The following SLC5A1 variants were observed in gnomAD, a reference collection of about 807,000 sequenced individuals.
SLC5A1 encodes the protein solute carrier family 5 member 1.
SLC5A1 carries 42 observed loss-of-function variants against 73.5 expected under a neutral mutation model. The observed-to-expected ratio is 0.57, with a 90% CI of 0.45 to 0.74. The LOEUF (loss-of-function observed/expected upper bound fraction) is 0.74. SLC5A1 is among the 30% of genes least tolerant of loss of function. The probability of loss-of-function intolerance (pLI) is 0.00; values close to 1 mark genes in which losing one functional copy is unlikely to be tolerated. For missense variants in SLC5A1, 634 were observed against 855.4 expected (o/e 0.74, Z 3.23); for synonymous variants, 300 against 317.4 (o/e 0.95, Z 0.58).
rs2093933080 is a variant in SLC5A1 at position 32,043,523 on chromosome 22, G to A, written c.135+107G>A. ...TAGGCTTAAGTGTCGGTGGAGGGGAGAGGAAATGACTTGGAAGCACTTTAG... is the reference window on the plus strand; with the variant it reads ...TAGGCTTAAGTGTCGGTGGAGGGGAAAGGAAATGACTTGGAAGCACTTTAG... On this transcript the variant is annotated intron_variant, in intron 1 of 14. Transcript: ENST00000266088. The surrounding 1 kb of genome is among the most constrained non-coding windows in gnomAD (Gnocchi z 6.5). The A allele has an allele frequency of 4.7e-6, 6 of 1,268,920 alleles. No individual in the cohort carries two copies. Among genetic ancestry groups the A allele is most frequent in the Non-Finnish European group, 1.1e-6 (1 of 889,148 alleles). The allele number at this position is 1,268,920 out of a possible 1,614,324, so 78.6% of individuals were successfully genotyped here.
chr22:32,073,850 C>T (rs149624743), intron 5 of SLC5A1, among the ~76,000 whole-genome samples: 185 of 152,276 alleles, frequency 1.2e-3, no homozygotes, highest in African/African-American at 4.0e-3. Flanking sequence ...TGAGCCACTG[C>T]GCCCGGCCCC....
chr22:32,097,117 C>T (rs2094027513), intron 11 of SLC5A1, among the ~76,000 whole-genome samples: 3 of 152,244 alleles, frequency 2.0e-5, no homozygotes, highest in Admixed American at 2.0e-4. Context: ...GGCCCTGAGA[C>T]TATGTTGGGG....
In SLC5A1 at chr22:32,086,293, CT is replaced by C; in HGVS notation, c.1096del (p.Tyr366IlefsTer4). On this transcript the variant is annotated frameshift_variant, in exon 10 of 15. Transcript: ENST00000266088. LOFTEE classifies it high-confidence loss of function. ...CCAAGGTTGGCTGTACCAACATCGC[CT>C]ATCCAACCTTAGTGGTGGAGCTCAT... is the stretch of plus-strand genomic sequence containing the variant. ...GTKVGCTNIA[Y>X]PTLVVELMPN... 1 of 1,613,712 alleles carries C rather than the reference CT, an allele frequency of 6.2e-7. No homozygotes were observed. The highest frequency in any genetic ancestry group is 8.5e-7 in the Non-Finnish European group (1 of 1,179,602).
chr22:32,092,262 C>T (rs889761565), intron 11 of SLC5A1, among the ~76,000 whole-genome samples: 1 of 152,160 alleles, frequency 6.6e-6, no homozygotes, highest in African/African-American at 2.4e-5. Context: ...CCAGTTGCTG[C>T]GAATGCCATT....
intron 3 of SLC5A1, among the ~76,000 whole-genome samples, chr22:32,067,541 T>G (rs1485869614): frequency 1.3e-5 from 2 of 151,950 alleles, no homozygotes; most frequent in African/African-American, 4.8e-5. Context: ...TTGGCGAATT[T>G]TTTAATTTTT....
intron 5 of SLC5A1, among the ~76,000 whole-genome samples, chr22:32,081,455 G>C (rs2093999700): frequency 6.6e-6 from 1 of 152,132 alleles, no homozygotes; most frequent in African/African-American, 2.4e-5. Flanking sequence ...ACTTGCTTTT[G>C]GGGACGAGCT....
intron 14 of SLC5A1, among the ~76,000 whole-genome samples, chr22:32,105,407 C>A (rs972945349): frequency 6.6e-5 from 10 of 151,778 alleles, no homozygotes; most frequent in Admixed American, 1.3e-4. Flanking sequence ...GATTCTCCTG[C>A]CTCAGCCTCC....
chr22:32,081,819 G>T, intron 5 of SLC5A1, 47 bp from the exon 6 acceptor site: 1 of 1,197,226 alleles, frequency 8.4e-7, no homozygotes, highest in Non-Finnish European at 1.2e-6. Context: ...GGCCCTGTAG[G>T]CAGCTGACCA....
At chr22:32,092,813 C>T (rs1300402874) in intron 11 of SLC5A1, among the ~76,000 whole-genome samples, 2 of 152,084 alleles carry the variant, frequency 1.3e-5, no homozygotes, top group Non-Finnish European at 2.9e-5. Flanking sequence ...TAGTTAAGTC[C>T]CACCTATTTA....
At chr22:32,053,255 C>G (rs895953805) in intron 2 of SLC5A1, among the ~76,000 whole-genome samples, 4 of 152,122 alleles carry the variant, frequency 2.6e-5, no homozygotes, top group African/African-American at 7.2e-5. Flanking sequence ...TCTTCTTCCT[C>G]CTTCTTATTT....
rs199997532 is a variant in SLC5A1, at chr22:32,104,913, A to T, written c.1771+22A>T. The T allele has an allele frequency of 8.5e-6, 13 of 1,520,964 alleles. No homozygotes were observed. In the Admixed American group the frequency reaches 1.5e-4, roughly 18 times the overall value. 94.2% of individuals were successfully genotyped at this position (1,520,964 alleles called of 1,614,324 possible). A position where few individuals can be genotyped will look rare whatever the true frequency, so the allele number is the denominator to read the frequency against. On this transcript the variant is annotated intron_variant, in intron 14 of 14. Transcript: ENST00000266088. ...ATAGGTGACTTATGACCCAGAGCAGATCCTAAACCATAAAAGTTACTCCTA... is the reference window on the plus strand; with the variant it reads ...ATAGGTGACTTATGACCCAGAGCAGTTCCTAAACCATAAAAGTTACTCCTA...
intron 14 of SLC5A1, among the ~76,000 whole-genome samples, chr22:32,109,546 C>A (rs1434998461): frequency 1.3e-5 from 2 of 152,162 alleles, no homozygotes; most frequent in Non-Finnish European, 2.9e-5. Flanking sequence ...ACAGATGTAA[C>A]CAACGCACTC....
At position 32,083,126 on chromosome 22, in the gene SLC5A1, G is replaced by C. The variant is rs1016205583; in HGVS notation, c.636G>C (p.Leu212=). 6 of 1,614,072 alleles carry C rather than the reference G, an allele frequency of 3.7e-6. No homozygotes were observed. Among genetic ancestry groups the C allele is most frequent in the Non-Finnish European group, 5.1e-6 (6 of 1,180,038 alleles). Residue 212 remains leucine, a synonymous_variant, in exon 7 of 15, where the codon CTG becomes CTC. Transcript: ENST00000266088. ...YTDTLQTVIM[L]VGSLILTGFA... is the part of the protein sequence containing the mutation. The stretch of plus-strand genomic sequence containing the variant: ...ACACCTTGCAGACGGTGATCATGCT[G>C]GTGGGGTCTTTAATCCTGACTGGGT...
chr22:32,091,810 G>C (rs907358538), intron 11 of SLC5A1, 48 bp downstream of exon 11: 1 of 1,603,138 alleles, frequency 6.2e-7, no homozygotes, highest in Non-Finnish European at 8.5e-7. Flanking sequence ...GATCAGAGAG[G>C]TTCCATCTGT....
intron 10 of SLC5A1, among the ~76,000 whole-genome samples, chr22:32,088,490 C>T (rs1054709714): frequency 3.9e-5 from 6 of 152,070 alleles, no homozygotes; most frequent in Non-Finnish European, 8.8e-5. Context: ...GCACCTGCCA[C>T]CACGCCCAGC....
intron 2 of SLC5A1, among the ~76,000 whole-genome samples, chr22:32,062,980 G>T (rs2093965821): frequency 6.6e-6 from 1 of 152,104 alleles, no homozygotes; most frequent in South Asian, 2.1e-4. Flanking sequence ...TTCCGGGGAG[G>T]CCTCTCTTCC....
rs535623672 is a variant in SLC5A1 at position 32,043,684 on chromosome 22, T to C, written c.135+268T>C. 2.0e-5 allele frequency among the ~76,000 whole-genome samples: 3 copies of C among 152,196 alleles called. No individual in the cohort carries two copies. The East Asian group carries it at 5.8e-4, about 29-fold the overall frequency. On this transcript the variant is annotated intron_variant, in intron 1 of 14. Coordinates refer to ENST00000266088, the MANE Select transcript of SLC5A1 (RefSeq NM_000343.4). This position sits in a 1 kb window ranked among gnomAD's most constrained non-coding sequence, Gnocchi z 6.5. ...GTGAGCAGAGAAGGAAGGTGGGGGTTTGAAGAGACCGCTGGAAAGTGTAAG... is the reference window on the plus strand; with the variant it reads ...GTGAGCAGAGAAGGAAGGTGGGGGTCTGAAGAGACCGCTGGAAAGTGTAAG...
chr22:32,055,074 A>G (rs1175254285), intron 2 of SLC5A1, among the ~76,000 whole-genome samples: 2 of 152,182 alleles, frequency 1.3e-5, no homozygotes, highest in Non-Finnish European at 2.9e-5. Context: ...ATTGGTCTTC[A>G]GCCTCCTTAA....
chr22:32,067,365 A>T (rs866205164), intron 3 of SLC5A1, among the ~76,000 whole-genome samples: 40 of 48,886 alleles, frequency 8.2e-4, no homozygotes, highest in African/African-American at 1.9e-3. Flanking sequence ...TTTTTTTTAA[A>T]AAAATTTTTA....
Sources: gnomAD v4.1 joint callset for allele counts (sites outside exome capture counted in the v4.1 genomes callset) on GRCh38, gnomAD v4.1.1 for gene constraint, Gnocchi (gnomAD v3.1) non-coding constraint, MANE v1.5 for transcripts, NCBI Gene and HGNC (gene_info 2026-07-23, HGNC 2026-07-21) for gene names.